The following EP400 variants were observed in gnomAD, a reference collection of about 807,000 sequenced individuals.
EP400 encodes E1A-binding protein p400.
In EP400, 105 loss-of-function variants were observed where a neutral mutation model predicts 354.1. The ratio of observed to expected loss-of-function variants is 0.30; its 90% CI spans 0.25 to 0.35. The LOEUF is 0.35. EP400 is among the 10% of genes least tolerant of loss of function. The pLI is 1.00. For synonymous variants in EP400, 1,646 were observed against 1,716.9 expected (o/e 0.96, Z 1.02); for missense variants, 3,280 against 4,121.0 (o/e 0.80, Z 5.59).
chr12:132,077,690 G>C lies in EP400; in HGVS notation c.*17G>C. 2 of 1,570,008 alleles carry C rather than the reference G, an allele frequency of 1.3e-6. No individual in the cohort carries two copies. Among genetic ancestry groups the C allele is most frequent in the Non-Finnish European group, 1.7e-6 (2 of 1,159,622 alleles). On this transcript the variant is annotated 3_prime_UTR_variant, in exon 53 of 53. Coordinates refer to ENST00000389561, the MANE Select transcript of EP400 (RefSeq NM_015409.5). Reference sequence around the variant, plus strand: ...TGCCAGTAGTCAGGGCAGCAGGGCTGCCTCTCATCTAAAGCAAAACTACCT... The same window carrying C: ...TGCCAGTAGTCAGGGCAGCAGGGCTCCCTCTCATCTAAAGCAAAACTACCT...
intron 19 of EP400, among the ~76,000 whole-genome samples, chr12:132,014,823 G>A (rs1292289043): frequency 2.0e-5 from 3 of 152,208 alleles, no homozygotes; most frequent in Admixed American, 6.5e-5. Flanking sequence ...TGTGGCGGGA[G>A]CAGACGCCAG....
Position 132,067,225 on chromosome 12 carries a change from A to G in EP400, c.8750-137A>G. On this transcript the variant is annotated intron_variant, in intron 49 of 52. Coordinates refer to ENST00000389561, the MANE Select transcript of EP400 (RefSeq NM_015409.5). The surrounding 1 kb of genome is among the most constrained non-coding windows in gnomAD (Gnocchi z 5.3). ...AACCCAGAAACATTTTAATGTAGTT[A>G]AGGGATGGCTTACTTGTCTCCATAG... is the stretch of plus-strand genomic sequence containing the variant. The G allele has an allele frequency of 7.6e-7, 1 of 1,319,392 alleles. No individual in the cohort carries two copies. The highest frequency in any genetic ancestry group is 2.4e-5 in the East Asian group (1 of 42,392). 81.7% of individuals were successfully genotyped at this position (1,319,392 alleles called of 1,614,324 possible). A position where few individuals can be genotyped will look rare whatever the true frequency, so the allele number is the denominator to read the frequency against.
intron 39 of EP400, among the ~76,000 whole-genome samples, chr12:132,048,301 T>C (rs551382924): frequency 1.3e-3 from 196 of 152,296 alleles, no homozygotes; most frequent in Admixed American, 2.4e-3. Context: ...TGTTTAGAGA[T>C]TGCAGTAAAG....
At chr12:132,000,077 A>G (rs920653642) in intron 12 of EP400, among the ~76,000 whole-genome samples, 19 of 150,798 alleles carry the variant, frequency 1.3e-4, no homozygotes, top group African/African-American at 4.6e-4. Flanking sequence ...TGAGTTTTTA[A>G]CTTGGATGAC....
At chr12:132,030,638 A>C (rs12425275) in intron 29 of EP400, among the ~76,000 whole-genome samples, 9,173 of 152,310 alleles carry the variant, frequency 0.06, 380 homozygotes, top group African/African-American at 0.12. Context: ...TTGAACCTTA[A>C]TAGTGATGTA....
At chr12:132,053,714 C>A in intron 43 of EP400, 117 bp downstream of exon 43, 2 of 1,140,546 alleles carry the variant, frequency 1.8e-6, no homozygotes, top group Non-Finnish European at 2.4e-6. Context: ...ACATTTCCAG[C>A]TTGTAGACCT....
In EP400 at chr12:131,992,157, C is replaced by G. The variant is rs1893060889; in HGVS notation, c.2680-16C>G. Reference sequence around the variant, plus strand: ...TTTGGATCTCATGCTTGTGGTTTTTCTTTCTTTTCTTTCAGGATTCAGGAA... The same window carrying G: ...TTTGGATCTCATGCTTGTGGTTTTTGTTTCTTTTCTTTCAGGATTCAGGAA... On this transcript the variant is annotated splice_polypyrimidine_tract_variant and intron_variant, in intron 10 of 52. Coordinates refer to ENST00000389561, the MANE Select transcript of EP400 (RefSeq NM_015409.5). 6.2e-7 allele frequency: 1 copy of G among 1,604,256 alleles called. No individual in the cohort carries two copies. The highest frequency in any genetic ancestry group is 8.5e-7 in the Non-Finnish European group (1 of 1,179,760).
intron 29 of EP400, chr12:132,031,143 G>A (rs1565922263): frequency 8.9e-6 from 4 of 448,894 alleles, no homozygotes; most frequent in Admixed American, 7.4e-5. Flanking sequence ...AAATCGTTAT[G>A]GAAGAAAAGT....
At chr12:132,059,333 A>G (rs1895612225) in intron 45 of EP400, among the ~76,000 whole-genome samples, 1 of 152,112 alleles carries the variant, frequency 6.6e-6, no homozygotes, top group South Asian at 2.1e-4. Context: ...GGTCAAAAGA[A>G]GAGTAGCCCT....
chr12:132,010,796 G>A (rs2136529740), intron 15 of EP400, among the ~76,000 whole-genome samples: 1 of 152,260 alleles, frequency 6.6e-6, no homozygotes, highest in Non-Finnish European at 1.5e-5. Context: ...ACAAAAATTA[G>A]CTGGGCATGA....
chr12:132,038,441 C>T lies in EP400; in HGVS notation c.6207+345C>T, dbSNP rs1018702045. Reference sequence around the variant, plus strand: ...AGGCTCTGCGGGCACTACCCCTACTCCCCTCTAGCTGGCTGTGTTGGCTTC... The same window carrying T: ...AGGCTCTGCGGGCACTACCCCTACTTCCCTCTAGCTGGCTGTGTTGGCTTC... On this transcript the variant is annotated intron_variant, in intron 32 of 52. Transcript: ENST00000389561. The surrounding 1 kb of genome is among the most constrained non-coding windows in gnomAD (Gnocchi z 4.2). Among the ~76,000 whole-genome samples, 5 of 152,202 alleles carry T rather than the reference C, an allele frequency of 3.3e-5. No individual in the cohort carries two copies. The highest frequency in any genetic ancestry group is 6.5e-5 in the Admixed American group (1 of 15,288).
intron 2 of EP400, among the ~76,000 whole-genome samples, chr12:131,962,835 G>T (rs1163865623): frequency 1.3e-5 from 2 of 152,180 alleles, no homozygotes; most frequent in Non-Finnish European, 2.9e-5. Flanking sequence ...TTATGATACA[G>T]TTAAAATAAT....
chr12:132,030,123 A>C lies in EP400; in HGVS notation c.5719A>C (p.Arg1907=), dbSNP rs1303399213. ...GAACTTCCATTACCTCACCTATGTA[A>C]GAATCGATGAAAATGCCAGCAGTGA... ...FLNFHYLTYV[R]IDENASSEQR... is the part of the protein sequence containing the mutation. Residue 1907 remains arginine, a synonymous_variant, in exon 29 of 53, where the codon AGA becomes CGA. Transcript: ENST00000389561. 3.7e-6 allele frequency: 6 copies of C among 1,614,110 alleles called. No individual in the cohort carries two copies. The African/African-American group carries it at 6.7e-5, about 18-fold the overall frequency.
At position 132,021,362 on chromosome 12, in the gene EP400, C is replaced by T. The variant is rs1049992251; in HGVS notation, c.4690+41C>T. ...TTTCCAGGTTTCTGCCATCTCTCTACCCCAGAGGAGTTGTGTTAAGAACAC... is the reference window on the plus strand; with the variant it reads ...TTTCCAGGTTTCTGCCATCTCTCTATCCCAGAGGAGTTGTGTTAAGAACAC... On this transcript the variant is annotated intron_variant, in intron 23 of 52. Coordinates refer to ENST00000389561, the MANE Select transcript of EP400 (RefSeq NM_015409.5). The T allele has an allele frequency of 6.1e-6, 9 of 1,470,470 alleles. No homozygotes were observed. In the African/African-American group the frequency reaches 1.1e-4, roughly 19 times the overall value. The allele number at this position is 1,470,470 out of a possible 1,614,324, so 91.1% of individuals were successfully genotyped here. A position where few individuals can be genotyped will look rare whatever the true frequency, so the allele number is the denominator to read the frequency against.
rs1160302488 is a variant in EP400, at chr12:131,994,959, A to G, written c.2827+3A>G. On this transcript the variant is annotated splice_donor_region_variant and intron_variant, in intron 12 of 52. Coordinates refer to ENST00000389561, the MANE Select transcript of EP400 (RefSeq NM_015409.5). The surrounding 1 kb of genome is among the most constrained non-coding windows in gnomAD (Gnocchi z 4.6). ...ACTTTCTAATTTAGCCAAGGAAGGT[A>G]GGCTGTTGCTACCTTATTAAACATT... 6.2e-7 allele frequency: 1 copy of G among 1,613,546 alleles called. No homozygotes were observed. The highest frequency in any genetic ancestry group is 8.5e-7 in the Non-Finnish European group (1 of 1,179,562).
chr12:132,023,636 A>G (rs1050296617), intron 23 of EP400, 141 bp from the exon 24 acceptor site: 6 of 633,128 alleles, frequency 9.5e-6, no homozygotes, highest in African/African-American at 1.9e-5. Context: ...GAAGTGGTAG[A>G]AAACACTACC....
intron 30 of EP400, among the ~76,000 whole-genome samples, chr12:132,035,719 G>C (rs182742021): frequency 5.7e-4 from 84 of 146,674 alleles, no homozygotes; most frequent in African/African-American, 2.0e-3. Flanking sequence ...CACATGGAAC[G>C]CTGTGGAAGC....
In EP400 at chr12:132,013,076, C is replaced by T. The variant is rs1417668195; in HGVS notation, c.3509C>T (p.Thr1170Ile). 2 of 1,614,108 alleles carry T rather than the reference C, an allele frequency of 1.2e-6. No individual in the cohort carries two copies. The highest frequency in any genetic ancestry group is 3.3e-5 in the Admixed American group (2 of 60,020). ...TACACTCAGTTCTTCCGGGGCCTCA[C>T]CGCCTTCACACGAGTGCGCTGGAAG... ...TSYTQFFRGL[T>I]AFTRVRWKCL... The change falls in exon 17 of 53, where the codon ACC becomes ATC. Residue 1170 changes from threonine (T) to isoleucine (I), a missense_variant. By Grantham distance (89) the Thr-to-Ile change is moderately conservative. Around this residue, in one of 20 missense-constraint regions of EP400, gnomAD observed 242 missense variants for 357.9 expected, o/e 0.68. Transcript: ENST00000389561. This position sits in a 1 kb window ranked among gnomAD's most constrained non-coding sequence, Gnocchi z 4.5.
chr12:132,051,443 T>C (rs1462749431), intron 41 of EP400, among the ~76,000 whole-genome samples: 2 of 152,130 alleles, frequency 1.3e-5, no homozygotes, highest in African/African-American at 4.8e-5. Context: ...ATTTATTGGA[T>C]ACAAGACTCA....
Sources: allele counts gnomAD v4.1 joint callset (sites outside exome capture counted in the v4.1 genomes callset), GRCh38; gene constraint gnomAD v4.1.1; regional missense constraint gnomAD v4.1.1; non-coding constraint Gnocchi (gnomAD v3.1); transcripts MANE v1.5; gene names NCBI Gene and HGNC (gene_info 2026-07-23, HGNC 2026-07-21).